IFT122: variants seen among roughly 807,000 people sequenced by gnomAD.
The protein encoded by IFT122 is intraflagellar transport 122.
A neutral mutation model predicts 161.6 loss-of-function variants in IFT122; 118 were observed. The observed-to-expected ratio is 0.73, with a 90% confidence interval of 0.63 to 0.85. The LOEUF (loss-of-function observed/expected upper bound fraction) is 0.85, where lower values mean the gene tolerates loss of function less well. IFT122 is among the 40% of genes least tolerant of loss of function. The pLI, the probability that IFT122 is intolerant of heterozygous loss-of-function variation, is 0.00. For missense variants in IFT122, 1,381 were observed against 1,579.6 expected (o/e 0.87, Z 2.13); for synonymous variants, 550 against 602.4 (o/e 0.91, Z 1.27).
chr3:129,459,764 C>T (rs1238074664), intron 4 of IFT122, among the ~76,000 whole-genome samples: 3 of 134,932 alleles, frequency 2.2e-5, no homozygotes. Context: ...TTCCTTCCTT[C>T]CTTCCTTCCT....
chr3:129,442,414 G>A (rs1017824085), intron 1 of IFT122, among the ~76,000 whole-genome samples: 2 of 151,944 alleles, frequency 1.3e-5, no homozygotes, highest in African/African-American at 2.4e-5. Context: ...GTATTCATAC[G>A]TGAATGAATG....
chr3:129,489,387 C>G (rs1324955223), intron 16 of IFT122, among the ~76,000 whole-genome samples: 1 of 152,148 alleles, frequency 6.6e-6, no homozygotes, highest in Non-Finnish European at 1.5e-5. Flanking sequence ...AGTCATGAGG[C>G]TTAACTGAGA....
intron 15 of IFT122, chr3:129,487,807 C>A: frequency 3.4e-6 from 1 of 294,060 alleles, no homozygotes; most frequent in South Asian, 3.3e-5. Context: ...GCGGCACAAC[C>A]TGCGATCTGG....
intron 24 of IFT122, chr3:129,513,845 G>A (rs2713620): frequency 0.03 from 7,416 of 249,406 alleles, 422 homozygotes; most frequent in African/African-American, 0.11. Context: ...ACAAAGGCTC[G>A]TCAGCCTCTG....
intron 8 of IFT122, 53 bp from the exon 9 acceptor site, chr3:129,469,289 A>G: frequency 6.9e-7 from 1 of 1,439,746 alleles, no homozygotes; most frequent in Non-Finnish European, 9.8e-7. Context: ...TTAGAGCTAT[A>G]CTCATCAGCA....
intron 5 of IFT122, chr3:129,461,572 T>A: frequency 2.0e-6 from 1 of 489,998 alleles, no homozygotes; most frequent in Non-Finnish European, 3.7e-6. Context: ...GGCACAGGCA[T>A]AACTTGGTGT....
chr3:129,466,888 A>G lies in IFT122; in HGVS notation c.564-2A>G, dbSNP rs1306640897. ...TTTTGAACAACTACTTACTGTCTAC[A>G]GCCGATGGGAGAGTTTCTGGATGAA... On this transcript the variant is annotated splice_acceptor_variant, in intron 7 of 29. Coordinates refer to ENST00000348417, the MANE Select transcript of IFT122 (RefSeq NM_052989.3). LOFTEE classifies it high-confidence loss of function. The G allele has an allele frequency of 3.2e-5, 51 of 1,613,710 alleles. 1 individual carries two copies. The Admixed American group carries it at 8.5e-4, about 27-fold the overall frequency.
At chr3:129,517,212 G>A (rs1387428533) in intron 26 of IFT122, among the ~76,000 whole-genome samples, 2 of 124,474 alleles carry the variant, frequency 1.6e-5, no homozygotes, top group East Asian at 4.9e-4. Flanking sequence ...CACACAGACT[G>A]CCCCTGCACA....
At chr3:129,514,086 G>A (rs1436712809) in intron 24 of IFT122, 8 of 443,410 alleles carry the variant, frequency 1.8e-5, no homozygotes, top group African/African-American at 2.0e-5. Context: ...TGGTGAGGCA[G>A]GAAGAGCCAT....
intron 3 of IFT122, among the ~76,000 whole-genome samples, chr3:129,455,070 A>G (rs912408523): frequency 1.3e-5 from 2 of 152,062 alleles, no homozygotes; most frequent in African/African-American, 4.8e-5. Context: ...TAGTCCTCAG[A>G]ATTGGTTTTT....
Position 129,440,278 on chromosome 3 carries a change from T to C in IFT122, c.-53T>C. 6.5e-7 allele frequency: 1 copy of C among 1,548,478 alleles called. No individual in the cohort carries two copies. Among genetic ancestry groups the C allele is most frequent in the Non-Finnish European group, 8.7e-7 (1 of 1,146,366 alleles). The stretch of plus-strand genomic sequence containing the variant: ...TGGCGACCGTTAGTGAGGCGGTTGC[T>C]GAGACAGACGCTGAGGCGGGTAGGA... On this transcript the variant is annotated 5_prime_UTR_variant, in exon 1 of 30. Coordinates refer to ENST00000348417, the MANE Select transcript of IFT122 (RefSeq NM_052989.3).
rs1308347952 is a variant in IFT122, at chr3:129,504,479, T to TA, written c.2650+59dup. ...AGCAGGAGAAGTTACTGCCAAGACA[T>TA]ACATTTCAGGAAGGCTACCAAGCCC... is the stretch of plus-strand genomic sequence containing the variant. On this transcript the variant is annotated intron_variant, in intron 21 of 29. Coordinates refer to ENST00000348417, the MANE Select transcript of IFT122 (RefSeq NM_052989.3). 20 of 1,390,122 alleles carry TA rather than the reference T, an allele frequency of 1.4e-5. No homozygotes were observed. The East Asian group carries it at 4.6e-4, about 32-fold the overall frequency. 86.1% of individuals were successfully genotyped at this position (1,390,122 alleles called of 1,614,324 possible).
intron 8 of IFT122, among the ~76,000 whole-genome samples, chr3:129,468,429 C>T (rs1380965176): frequency 3.9e-5 from 6 of 152,070 alleles, no homozygotes; most frequent in South Asian, 2.1e-4. Flanking sequence ...CTGCAACTTC[C>T]GCCTCCCGGG....
At chr3:129,506,650 G>T (rs566774874) in intron 22 of IFT122, 101 bp downstream of exon 22, 1 of 1,501,910 alleles carries the variant, frequency 6.7e-7, no homozygotes, top group Non-Finnish European at 9.2e-7. Flanking sequence ...CCCTGGGCTT[G>T]TTTATTGGGT....
At chr3:129,442,895 C>T (rs911923375) in intron 1 of IFT122, among the ~76,000 whole-genome samples, 8 of 152,176 alleles carry the variant, frequency 5.3e-5, no homozygotes, top group Admixed American at 1.3e-4. Flanking sequence ...TATTTTTCTA[C>T]CCGAAGATCC....
intron 9 of IFT122, among the ~76,000 whole-genome samples, chr3:129,475,661 A>AT (rs1195927352): frequency 1.3e-5 from 2 of 151,962 alleles, no homozygotes; most frequent in Non-Finnish European, 2.9e-5. Flanking sequence ...CAAAAAAAAA[A>AT]TTTTTTGCCA....
chr3:129,516,286 G>GCACACACACA (rs375077150), intron 26 of IFT122, among the ~76,000 whole-genome samples: 8 of 89,678 alleles, frequency 8.9e-5, no homozygotes, highest in African/African-American at 4.3e-4. Context: ...GATTGCTCCT[G>GCACACACACA]CACACACACA....
chr3:129,516,417 CT>C (rs1197016226), intron 26 of IFT122, among the ~76,000 whole-genome samples: 2 of 136,514 alleles, frequency 1.5e-5, no homozygotes, highest in Non-Finnish European at 3.1e-5. Flanking sequence ...GAGACTGCCC[CT>C]GCACACACAC....
chr3:129,461,281 C>T lies in IFT122; in HGVS notation c.326C>T (p.Ala109Val). ...TACAATCCTATTACTCATCAACTGG[C>T]ATCTTGTTCCTCCAGTGACTTTGGT... ...VSYNPITHQL[A>V]SCSSSDFGLW... Residue 109 changes from alanine to valine, a missense_variant, in exon 5 of 30, where the codon GCA (alanine) becomes GTA (valine). This residue lies in a region of IFT122 where 134 missense variants were observed against 137.4 expected (regional missense o/e 0.98). Transcript: ENST00000348417. 1.9e-6 allele frequency: 3 copies of T among 1,613,076 alleles called. No individual in the cohort carries two copies. The highest frequency in any genetic ancestry group is 2.5e-6 in the Non-Finnish European group (3 of 1,178,992).
Sources: gnomAD v4.1 joint callset for allele counts (sites outside exome capture counted in the v4.1 genomes callset) on GRCh38, gnomAD v4.1.1 for gene constraint, gnomAD v4.1.1 regional missense constraint, MANE v1.5 for transcripts, NCBI Gene and HGNC (gene_info 2026-07-23, HGNC 2026-07-21) for gene names.